DDN: variants seen among roughly 807,000 people sequenced by gnomAD.
The protein encoded by DDN is dendrin.
DDN carries 4 observed loss-of-function variants against 7.3 expected under a neutral mutation model. That is an observed-to-expected ratio of 0.55 (90% CI 0.27 to 1.25). DDN has a LOEUF of 1.25. Among genes scored for constraint, DDN ranks in the 50% most tolerant of loss-of-function variants. The pLI, the probability that DDN is intolerant of heterozygous loss-of-function variation, is 0.12. For synonymous variants in DDN, 425 were observed against 424.3 expected (o/e 1.00, Z -0.02); for missense variants, 933 against 974.7 (o/e 0.96, Z 0.57).
In DDN at chr12:48,997,614, C is replaced by A; in HGVS notation, c.1262G>T (p.Gly421Val). Residue 421 changes from glycine (G) to valine (V), a missense_variant, in exon 2 of 2, where the codon GGG becomes GTG. Coordinates refer to ENST00000421952, the MANE Select transcript of DDN (RefSeq NM_015086.2). ...GWRESLGLGE[G>V]AGPETLEGWK... ...ACCCTCCAGGGTCTCCGGTCCTGCC[C>A]CCTCTCCAAGACCCAGAGATTCTCT... The A allele has an allele frequency of 6.4e-7, 1 of 1,557,392 alleles. No individual in the cohort carries two copies. Among genetic ancestry groups the A allele is most frequent in the Non-Finnish European group, 8.7e-7 (1 of 1,150,424 alleles).
Position 48,997,335 on chromosome 12 carries a change from A to G in DDN, c.1541T>C (p.Leu514Pro). The G allele has an allele frequency of 6.2e-7, 1 of 1,610,552 alleles. No individual in the cohort carries two copies. The highest frequency in any genetic ancestry group is 8.5e-7 in the Non-Finnish European group (1 of 1,178,738). The change falls in exon 2 of 2, where the codon CTG becomes CCG. Residue 514 changes from leucine to proline, a missense_variant. Coordinates refer to ENST00000421952, the MANE Select transcript of DDN (RefSeq NM_015086.2). ...TVFPSPCQKR[L>P]SSSRLLHQPG... ...CTGGTGTAAAAGGCGACTGCTCGAC[A>G]GCCGCTTTTGACAAGGGGAAGGAAA...
Position 48,998,478 on chromosome 12 carries a change from C to T in DDN, c.398G>A (p.Gly133Asp). The stretch of plus-strand genomic sequence containing the variant: ...ACCCGGGGGGCTCCGTCGGGCCCCA[C>T]CAGCCTTGCGCCTTTTTCGCTCGGT... ...KETERKRRKA[G>D]GARRSPPGRP... Residue 133 changes from glycine to aspartate, a missense_variant, in exon 2 of 2, where the codon GGT becomes GAT. Coordinates refer to ENST00000421952, the MANE Select transcript of DDN (RefSeq NM_015086.2). 1 of 1,577,440 alleles carries T rather than the reference C, an allele frequency of 6.3e-7. No homozygotes were observed. Among genetic ancestry groups the T allele is most frequent in the Non-Finnish European group, 8.5e-7 (1 of 1,170,188 alleles).
At position 48,996,422 on chromosome 12, in the gene DDN, A is replaced by G. The variant is rs1447215230; in HGVS notation, c.*318T>C. 3.7e-5 allele frequency: 10 copies of G among 271,398 alleles called. No homozygotes were observed. Among genetic ancestry groups the G allele is most frequent in the Non-Finnish European group, 5.6e-5 (8 of 143,568 alleles). 16.8% of individuals were successfully genotyped at this position (271,398 alleles called of 1,614,324 possible). A position where few individuals can be genotyped will look rare whatever the true frequency, so the allele number is the denominator to read the frequency against. On this transcript the variant is annotated 3_prime_UTR_variant, in exon 2 of 2. Transcript: ENST00000421952. The stretch of plus-strand genomic sequence containing the variant: ...CCTACCCTGCCCTCCTATGGCTGCC[A>G]CCATCCCTGCCCTCCTGCCTGATCC...
chr12:48,996,992 C>T lies in DDN; in HGVS notation c.1884G>A (p.Thr628=), dbSNP rs553834834. The change falls in exon 2 of 2, where the codon ACG becomes ACA. Residue 628 remains threonine, a synonymous_variant. Transcript: ENST00000421952. ...GGACGCTGAGCTCCTCAGCTTCGTC[C>T]GTGTCCGAGTCAGGGGCTGTGTGGC... ...IRRHTAPDSD[T]DEAEELSVHS... 1.3e-6 allele frequency: 2 copies of T among 1,569,468 alleles called. No homozygotes were observed. The highest frequency in any genetic ancestry group is 2.4e-5 in the East Asian group (1 of 42,494).
In DDN at chr12:48,996,600, T is replaced by C. The variant is rs1941206714; in HGVS notation, c.*140A>G. On this transcript the variant is annotated 3_prime_UTR_variant, in exon 2 of 2. Coordinates refer to ENST00000421952, the MANE Select transcript of DDN (RefSeq NM_015086.2). ...TTAATGGGCATATGCTTCCCTTCCTTTCATTTATATTTCAAGGATGAGAAC... is the reference window on the plus strand; with the variant it reads ...TTAATGGGCATATGCTTCCCTTCCTCTCATTTATATTTCAAGGATGAGAAC... The C allele has an allele frequency of 1.5e-6, 2 of 1,365,472 alleles. No individual in the cohort carries two copies. The highest frequency in any genetic ancestry group is 9.7e-7 in the Non-Finnish European group (1 of 1,031,586). 84.6% of individuals were successfully genotyped at this position (1,365,472 alleles called of 1,614,324 possible).
Position 48,999,355 on chromosome 12 carries a change from G to A in DDN, c.-68C>T. 7.4e-7 allele frequency: 1 copy of A among 1,352,254 alleles called. No homozygotes were observed. The highest frequency in any genetic ancestry group is 3.1e-5 in the East Asian group (1 of 32,652). 83.8% of individuals were successfully genotyped at this position (1,352,254 alleles called of 1,614,324 possible). ...CAGGAGCCCCCTCCCAGCCCAGGGA[G>A]CCGGCGCCCACTGCAGAGCCGCGGG... On this transcript the variant is annotated 5_prime_UTR_variant, in exon 1 of 2. Transcript: ENST00000421952.
rs1206619915 is a variant in DDN at position 48,998,653 on chromosome 12, G to A, written c.223C>T (p.Pro75Ser). 5.3e-6 allele frequency: 8 copies of A among 1,518,458 alleles called. No individual in the cohort carries two copies. In the African/African-American group the frequency reaches 1.1e-4, roughly 21 times the overall value. 94.1% of individuals were successfully genotyped at this position (1,518,458 alleles called of 1,614,324 possible). A position where few individuals can be genotyped will look rare whatever the true frequency, so the allele number is the denominator to read the frequency against. Reference protein sequence around the residue: ...GFQNRTCGPRPGSPQPPPRRP... With the variant: ...GFQNRTCGPRSGSPQPPPRRP... ...CGGGGCGGCGGCTGTGGGGATCCCG[G>A]GCGCGGCCCACACCTGGGACAATGA... is the stretch of plus-strand genomic sequence containing the variant. Residue 75 changes from proline to serine, a missense_variant, in exon 2 of 2, where the codon CCG (proline) becomes TCG (serine). Coordinates refer to ENST00000421952, the MANE Select transcript of DDN (RefSeq NM_015086.2).
In DDN at chr12:48,998,125, C is replaced by T; in HGVS notation, c.751G>A (p.Val251Met). The T allele has an allele frequency of 6.2e-7, 1 of 1,613,756 alleles. No homozygotes were observed. The highest frequency in any genetic ancestry group is 8.5e-7 in the Non-Finnish European group (1 of 1,180,018). The change falls in exon 2 of 2, where the codon GTG (valine) becomes ATG (methionine). Residue 251 changes from valine to methionine, a missense_variant. By Grantham distance (21) the Val-to-Met change is conservative (BLOSUM62 1). Transcript: ENST00000421952. ...GCAGCTGGGGCTGATGAAGTGGGCA[C>T]CTGAGAGTTCCCGGGGCCTCTCTTA... ...GTKRGPGNSQ[V>M]PTSSAPAATP...
At position 48,998,288 on chromosome 12, in the gene DDN, C is replaced by T. The variant is rs1592264657; in HGVS notation, c.588G>A (p.Arg196=). Reference sequence around the variant, plus strand: ...CCTCGTAGCTTGGGGGCCCGGGCCGCCGACCTCCCCAGGGCCCCGCCCACG... The same window carrying T: ...CCTCGTAGCTTGGGGGCCCGGGCCGTCGACCTCCCCAGGGCCCCGCCCACG... ...GSAWAGPWGG[R]RPGPPSYEAH... The change falls in exon 2 of 2, where the codon CGG becomes CGA. Residue 196 remains arginine (R), a synonymous_variant. Transcript: ENST00000421952. 6.2e-7 allele frequency: 1 copy of T among 1,600,562 alleles called. No homozygotes were observed. Among genetic ancestry groups the T allele is most frequent in the Non-Finnish European group, 8.5e-7 (1 of 1,175,196 alleles).
rs773406459 is a variant in DDN at position 48,996,855 on chromosome 12, G to A, written c.2021C>T (p.Ala674Val). ...CTCCCCGACACTGTCGCTCAGTTCC[G>A]CTGTCTTCCCATCTTCCTCTGGCGA... is the stretch of plus-strand genomic sequence containing the variant. ...NSSPEEDGKTAELSDSVGEIL... is the reference protein window; with the variant it reads ...NSSPEEDGKTVELSDSVGEIL... Residue 674 changes from alanine to valine, a missense_variant, in exon 2 of 2, where the codon GCG becomes GTG. Coordinates refer to ENST00000421952, the MANE Select transcript of DDN (RefSeq NM_015086.2). 5 of 1,614,080 alleles carry A rather than the reference G, an allele frequency of 3.1e-6. No individual in the cohort carries two copies. Among genetic ancestry groups the A allele is most frequent in the South Asian group, 2.2e-5 (2 of 91,092 alleles).
In DDN at chr12:48,997,698, T is replaced by A. The variant is rs778459416; in HGVS notation, c.1178A>T (p.Gln393Leu). The change falls in exon 2 of 2, where the codon CAG becomes CTG. Residue 393 changes from glutamine to leucine, a missense_variant. Transcript: ENST00000421952. ...PKCWIPSPKK[Q>L]PPRHSQTLPR... The stretch of plus-strand genomic sequence containing the variant: ...GAGTGTCTGGCTATGGCGGGGCGGC[T>A]GCTTTTTAGGGGAGGGAATCCAGCA... The A allele has an allele frequency of 2.5e-6, 4 of 1,572,332 alleles. No individual in the cohort carries two copies. Among genetic ancestry groups the A allele is most frequent in the Non-Finnish European group, 3.5e-6 (4 of 1,156,894 alleles).
rs1189944038 is a variant in DDN at position 48,996,761 on chromosome 12, C to T, written c.2115G>A (p.Gln705=). The change falls in exon 2 of 2, where the codon CAG becomes CAA. Residue 705 remains glutamine (Q), a synonymous_variant. Coordinates refer to ENST00000421952, the MANE Select transcript of DDN (RefSeq NM_015086.2). ...FGVRDIRGTQ[Q]GNRKRQ The stretch of plus-strand genomic sequence containing the variant: ...CCTCTCACTGCCTCTTCCTATTTCC[C>T]TGTTGGGTCCCTCTGATGTCCCTCA... 2.5e-6 allele frequency: 4 copies of T among 1,613,924 alleles called. No individual in the cohort carries two copies. The highest frequency in any genetic ancestry group is 3.4e-6 in the Non-Finnish European group (4 of 1,179,946).
At position 48,996,827 on chromosome 12, in the gene DDN, G is replaced by A; in HGVS notation, c.2049C>T (p.Ile683=). 6.2e-7 allele frequency: 1 copy of A among 1,614,150 alleles called. No individual in the cohort carries two copies. Among genetic ancestry groups the A allele is most frequent in the Non-Finnish European group, 8.5e-7 (1 of 1,180,024 alleles). The change falls in exon 2 of 2, where the codon ATC becomes ATT. Residue 683 remains isoleucine, a synonymous_variant. Coordinates refer to ENST00000421952, the MANE Select transcript of DDN (RefSeq NM_015086.2). ...CCTCGGTTTGGCTTATGACATCTAG[G>A]ATCTCCCCGACACTGTCGCTCAGTT... ...TAELSDSVGE[I]LDVISQTEEV...
chr12:48,998,230 C>T lies in DDN; in HGVS notation c.646G>A (p.Ala216Thr), dbSNP rs1423488664. 6.2e-7 allele frequency: 1 copy of T among 1,612,380 alleles called. No individual in the cohort carries two copies. Among genetic ancestry groups the T allele is most frequent in the Non-Finnish European group, 8.5e-7 (1 of 1,179,718 alleles). Reference sequence around the variant, plus strand: ...GGCCGGTCCCAGCGGCGTCGTGGGGCGGTCCCGGCAGAACCTCTCAGCAGC... The same window carrying T: ...GGCCGGTCCCAGCGGCGTCGTGGGGTGGTCCCGGCAGAACCTCTCAGCAGC... The part of the protein sequence containing the change: ...HLLLRGSAGT[A>T]PRRRWDRPPP... The change falls in exon 2 of 2, where the codon GCC (alanine) becomes ACC (threonine). Residue 216 changes from alanine (A) to threonine (T), a missense_variant. Coordinates refer to ENST00000421952, the MANE Select transcript of DDN (RefSeq NM_015086.2).
In DDN at chr12:48,999,291, G is replaced by GGGCCCCCC; in HGVS notation, c.-5_-4insGGGGGGCC. On this transcript the variant is annotated 5_prime_UTR_variant, in exon 1 of 2. Coordinates refer to ENST00000421952, the MANE Select transcript of DDN (RefSeq NM_015086.2). ...AGAACAGTGGGCCATCCAGCATCCTGCCCCACCCCACCCCGGCCCCCCACC... is the reference window on the plus strand; with the variant it reads ...AGAACAGTGGGCCATCCAGCATCCTGGGCCCCCCCCCCACCCCACCCCGGCCCCCCACC... 1 of 1,510,100 alleles carries GGGCCCCCC rather than the reference G, an allele frequency of 6.6e-7. No individual in the cohort carries two copies. The highest frequency in any genetic ancestry group is 8.9e-7 in the Non-Finnish European group (1 of 1,125,608). The allele number at this position is 1,510,100 out of a possible 1,614,324, so 93.5% of individuals were successfully genotyped here.
Position 48,999,307 on chromosome 12 carries a change from G to GC in DDN, c.-21dup. On this transcript the variant is annotated 5_prime_UTR_variant, in exon 1 of 2. Coordinates refer to ENST00000421952, the MANE Select transcript of DDN (RefSeq NM_015086.2). ...CAGCATCCTGCCCCACCCCACCCCG[G>GC]CCCCCCACCCTCCCACCCGCCCCAG... 2 of 874,074 alleles carry GC rather than the reference G, an allele frequency of 2.3e-6. No homozygotes were observed. Among genetic ancestry groups the GC allele is most frequent in the Non-Finnish European group, 1.5e-6 (1 of 659,834 alleles). 54.1% of individuals were successfully genotyped at this position (874,074 alleles called of 1,614,324 possible).
Position 48,999,342 on chromosome 12 carries a change from C to T in DDN, c.-55G>A. The T allele has an allele frequency of 6.8e-7, 1 of 1,479,368 alleles. No individual in the cohort carries two copies. 91.6% of individuals were successfully genotyped at this position (1,479,368 alleles called of 1,614,324 possible). A position where few individuals can be genotyped will look rare whatever the true frequency, so the allele number is the denominator to read the frequency against. On this transcript the variant is annotated 5_prime_UTR_variant, in exon 1 of 2. Transcript: ENST00000421952. ...CTCCCACCCGCCCCAGGAGCCCCCT[C>T]CCAGCCCAGGGAGCCGGCGCCCACT... is the stretch of plus-strand genomic sequence containing the variant.
At position 48,998,671 on chromosome 12, in the gene DDN, G is replaced by A. The variant is rs1941254006; in HGVS notation, c.210-5C>T. The A allele has an allele frequency of 6.7e-7, 1 of 1,493,618 alleles. No homozygotes were observed. The highest frequency in any genetic ancestry group is 2.3e-5 in the Admixed American group (1 of 42,924). The allele number at this position is 1,493,618 out of a possible 1,614,324, so 92.5% of individuals were successfully genotyped here. On this transcript the variant is annotated splice_region_variant and splice_polypyrimidine_tract_variant and intron_variant, in intron 1 of 1. Coordinates refer to ENST00000421952, the MANE Select transcript of DDN (RefSeq NM_015086.2). ...GATCCCGGGCGCGGCCCACACCTGG[G>A]ACAATGAGCAGGAACCCAGGTGAGC...
rs761794048 is a variant in DDN at position 48,998,347 on chromosome 12, G to T, written c.529C>A (p.Pro177Thr). The T allele has an allele frequency of 2.7e-5, 41 of 1,518,886 alleles. No individual in the cohort carries two copies. Among genetic ancestry groups the T allele is most frequent in the African/African-American group, 4.3e-5 (3 of 69,922 alleles). The allele number at this position is 1,518,886 out of a possible 1,614,324, so 94.1% of individuals were successfully genotyped here. The part of the protein sequence containing the change: ...RLAPVGRAPR[P>T]SAQPQSDPGS... ...GGGTCGCTCTGCGGCTGCGCGGATG[G>T]ACGGGGCGCTCGCCCCACAGGCGCC... Residue 177 changes from proline (P) to threonine (T), a missense_variant, in exon 2 of 2, where the codon CCA (proline) becomes ACA (threonine). By Grantham distance (38) the Pro-to-Thr change is conservative. Coordinates refer to ENST00000421952, the MANE Select transcript of DDN (RefSeq NM_015086.2).
Sources: allele counts gnomAD v4.1 joint callset, GRCh38; gene constraint gnomAD v4.1.1; transcripts MANE v1.5; gene names NCBI Gene and HGNC (gene_info 2026-07-23, HGNC 2026-07-21).